Variants in CACNG6 observed in about 807,000 individuals in gnomAD.
The protein encoded by CACNG6 is voltage-dependent calcium channel gamma-6 subunit.
CACNG6 carries 21 observed loss-of-function variants against 23.9 expected under a neutral mutation model. The observed-to-expected ratio is 0.88, with a 90% CI of 0.62 to 1.26. CACNG6 has a LOEUF of 1.26. Ranked by LOEUF, CACNG6 falls within the 50% of genes most tolerant of loss-of-function variation. The probability of loss-of-function intolerance (pLI) is 0.00; values close to 1 mark genes in which losing one functional copy is unlikely to be tolerated. For synonymous variants in CACNG6, 182 were observed against 168.9 expected (o/e 1.08, Z -0.60); for missense variants, 340 against 352.9 (o/e 0.96, Z 0.29).
chr19:53,993,783 G>A (rs1180217081), intron 1 of CACNG6, among the ~76,000 whole-genome samples: 1 of 148,400 alleles, frequency 6.7e-6, no homozygotes, highest in Admixed American at 6.8e-5. Context: ...CCTCAGATCA[G>A]CCTGCACCTC....
At chr19:53,996,765 C>T (rs1269856322) in intron 1 of CACNG6, among the ~76,000 whole-genome samples, 1 of 151,654 alleles carries the variant, frequency 6.6e-6, no homozygotes, top group Non-Finnish European at 1.5e-5. Context: ...GATATACACT[C>T]ACAGATATGT....
chr19:54,004,951 C>A (rs1207020332), intron 3 of CACNG6, among the ~76,000 whole-genome samples: 2 of 151,256 alleles, frequency 1.3e-5, no homozygotes, highest in Non-Finnish European at 2.9e-5. Flanking sequence ...GTGGCTCACG[C>A]CTGTAATCCC....
chr19:53,993,999 C>T, intron 1 of CACNG6, among the ~76,000 whole-genome samples: 1 of 151,998 alleles, frequency 6.6e-6, no homozygotes, highest in East Asian at 1.9e-4. Context: ...CTGTGCCCAC[C>T]CCAGACAGCC....
chr19:54,011,260 C>T (rs1452154693), intron 3 of CACNG6, among the ~76,000 whole-genome samples: 1 of 120,702 alleles, frequency 8.3e-6, no homozygotes, highest in East Asian at 2.6e-4. Flanking sequence ...ATTAGCCAGG[C>T]GTGGTAGCGC....
chr19:53,992,219 T>G lies in CACNG6; in HGVS notation c.-659T>G, dbSNP rs953528702. 1 of 152,242 alleles carries G rather than the reference T, an allele frequency of 6.6e-6. No individual in the cohort carries two copies. The highest frequency in any genetic ancestry group is 6.5e-5 in the Admixed American group (1 of 15,282). The allele number at this position is 152,242 out of a possible 1,614,324, so 9.4% of individuals were successfully genotyped here. A position where few individuals can be genotyped will look rare whatever the true frequency, so the allele number is the denominator to read the frequency against. On this transcript the variant is annotated 5_prime_UTR_variant, in exon 1 of 4. It adds an upstream start codon to the 5' untranslated region. Transcript: ENST00000252729. The surrounding 1 kb of genome is among the most constrained non-coding windows in gnomAD (Gnocchi z 4.1). ...CTACTGCCTCTCTTGAGACCCGGAT[T>G]GAATTCCGACCTCCCCTTGGGAGCT...
upstream of CACNG6, among the ~76,000 whole-genome samples, chr19:53,991,449 C>T (rs932145839): frequency 1.6e-4 from 24 of 152,114 alleles, no homozygotes; most frequent in African/African-American, 5.8e-4. Flanking sequence ...GGCTCGGCCC[C>T]TTCCTCCCCG....
At chr19:53,998,393 CCCT>C in intron 2 of CACNG6, 80 bp downstream of exon 2, 2 of 1,267,578 alleles carry the variant, frequency 1.6e-6, no homozygotes, top group Non-Finnish European at 2.3e-6. Flanking sequence ...GAGAGTTATC[CCCT>C]CCTCTGCTTT....
chr19:54,012,140 C>G lies in CACNG6; in HGVS notation c.734C>G (p.Ser245Cys), dbSNP rs755597457. Reference sequence around the variant, plus strand: ...TGCTTTCTGCTGCTCACACTGCCTTCCTGGCCCTGGGGGTCCCTCTGTCCC... The same window carrying G: ...TGCTTTCTGCTGCTCACACTGCCTTGCTGGCCCTGGGGGTCCCTCTGTCCC... ...AGCFLLLTLP[S>C]WPWGSLCPKR... The change falls in exon 4 of 4, where the codon TCC becomes TGC. Residue 245 changes from serine (S) to cysteine (C), a missense_variant. Physicochemically the swap from Ser to Cys is moderately radical, Grantham distance 112. Coordinates refer to ENST00000252729, the MANE Select transcript of CACNG6 (RefSeq NM_145814.2). 3 of 1,534,424 alleles carry G rather than the reference C, an allele frequency of 2.0e-6. No homozygotes were observed. The Admixed American group carries it at 6.1e-5, about 31-fold the overall frequency.
chr19:53,999,741 C>A lies in CACNG6; in HGVS notation c.514C>A (p.Arg172=). The part of the protein sequence containing the change: ...VLSKGAEFLL[R]VGAVCFGLSG... ...CAGTAAAGGTGCAGAGTTCCTGCTC[C>A]GAGTTGGAGCCGTCTGCTTTGGCCT... is the stretch of plus-strand genomic sequence containing the variant. Residue 172 remains arginine, a synonymous_variant, in exon 3 of 4, where the codon CGA becomes AGA. Coordinates refer to ENST00000252729, the MANE Select transcript of CACNG6 (RefSeq NM_145814.2). The A allele has an allele frequency of 3.1e-6, 5 of 1,614,052 alleles. No homozygotes were observed. The highest frequency in any genetic ancestry group is 4.2e-6 in the Non-Finnish European group (5 of 1,180,032).
At chr19:54,000,389 C>T (rs745744854) in intron 3 of CACNG6, among the ~76,000 whole-genome samples, 4 of 152,184 alleles carry the variant, frequency 2.6e-5, no homozygotes, top group Non-Finnish European at 5.9e-5. Context: ...TTGATGGTCT[C>T]TAAATGCTCT....
chr19:54,007,611 A>G (rs764587074), intron 3 of CACNG6, among the ~76,000 whole-genome samples: 1 of 152,188 alleles, frequency 6.6e-6, no homozygotes, highest in Non-Finnish European at 1.5e-5. Context: ...GAATGCATGA[A>G]TCAGGTCTGC....
rs773485518 is a variant in CACNG6 at position 53,998,272 on chromosome 19, C to T, written c.365C>T (p.Thr122Met). 16 of 1,613,870 alleles carry T rather than the reference C, an allele frequency of 9.9e-6. No homozygotes were observed. The highest frequency in any genetic ancestry group is 8.9e-5 in the East Asian group (4 of 44,880). ...ANCTYFKFFTTGENARIFQRT... is the reference protein window; with the variant it reads ...ANCTYFKFFTMGENARIFQRT... The stretch of plus-strand genomic sequence containing the variant: ...TGCACCTATTTTAAATTCTTCACCA[C>T]GGGGGAGAATGCACGCATCTTTCAG... The change falls in exon 2 of 4, where the codon ACG (threonine) becomes ATG (methionine). Residue 122 changes from threonine (T) to methionine (M), a missense_variant. Transcript: ENST00000252729.
At chr19:53,995,485 T>G (rs967705074) in intron 1 of CACNG6, among the ~76,000 whole-genome samples, 6 of 152,124 alleles carry the variant, frequency 3.9e-5, no homozygotes, top group African/African-American at 1.4e-4. Context: ...GGATGTGTCA[T>G]GTTTGGGGGT....
intron 1 of CACNG6, among the ~76,000 whole-genome samples, chr19:53,996,626 C>T (rs2069523970): frequency 1.3e-5 from 2 of 152,126 alleles, no homozygotes; most frequent in African/African-American, 4.8e-5. Context: ...CTCCTGACCC[C>T]AAGTGATCTG....
chr19:54,011,227 T>TATATACACACAC (rs1442985544), intron 3 of CACNG6, among the ~76,000 whole-genome samples: 1 of 95,328 alleles, frequency 1.0e-5, no homozygotes, highest in African/African-American at 5.8e-5. Flanking sequence ...TATATATATA[T>TATATACACACAC]ACACACACAC....
At position 53,993,070 on chromosome 19, in the gene CACNG6, C is replaced by T; in HGVS notation, c.193C>T (p.Leu65Phe). 6.5e-7 allele frequency: 1 copy of T among 1,537,214 alleles called. No individual in the cohort carries two copies. The highest frequency in any genetic ancestry group is 2.5e-5 in the East Asian group (1 of 39,950). Reference protein sequence around the residue: ...LSVGTEFWVELNTYKANGSAV... With the variant: ...LSVGTEFWVEFNTYKANGSAV... ...CGTGGGCACCGAGTTCTGGGTGGAGCTCAACACCTACAAGGCCAACGGCAG... is the reference window on the plus strand; with the variant it reads ...CGTGGGCACCGAGTTCTGGGTGGAGTTCAACACCTACAAGGCCAACGGCAG... The change falls in exon 1 of 4, where the codon CTC (leucine) becomes TTC (phenylalanine). Residue 65 changes from leucine to phenylalanine, a missense_variant. Physicochemically the swap from Leu to Phe is conservative, Grantham distance 22 (BLOSUM62 0). Transcript: ENST00000252729.
Position 54,011,972 on chromosome 19 carries a change from T to G in CACNG6, c.566T>G (p.Leu189Arg), listed in dbSNP as rs749657710. The G allele has an allele frequency of 1.9e-6, 3 of 1,579,198 alleles. No individual in the cohort carries two copies. The highest frequency in any genetic ancestry group is 2.6e-6 in the Non-Finnish European group (3 of 1,165,006). Residue 189 changes from leucine (L) to arginine (R), a missense_variant, in exon 4 of 4, where the codon CTG (leucine) becomes CGG (arginine). Leu to Arg is a moderately radical substitution (Grantham distance 102). Coordinates refer to ENST00000252729, the MANE Select transcript of CACNG6 (RefSeq NM_145814.2). ...GLSGLLLLVS[L>R]EVFRHSVRAL... is the part of the protein sequence containing the mutation. ...GCAGGCCTGCTGCTCTTGGTGAGCCTGGAGGTGTTCCGGCATTCCGTGAGG... is the reference window on the plus strand; with the variant it reads ...GCAGGCCTGCTGCTCTTGGTGAGCCGGGAGGTGTTCCGGCATTCCGTGAGG...
intron 3 of CACNG6, among the ~76,000 whole-genome samples, chr19:54,011,127 T>G (rs8100520): frequency 0.19 from 27,470 of 144,416 alleles, 2,897 homozygotes; most frequent in East Asian, 0.25. Context: ...CCGAGGTGGG[T>G]GGACCACTTG....
chr19:54,004,765 C>A (rs933348214), intron 3 of CACNG6, among the ~76,000 whole-genome samples: 2 of 152,132 alleles, frequency 1.3e-5, no homozygotes, highest in African/African-American at 4.8e-5. Context: ...CGGCCTGGAG[C>A]GTTCTTCCGC....
Sources: gnomAD v4.1 joint callset for allele counts (sites outside exome capture counted in the v4.1 genomes callset) on GRCh38, gnomAD v4.1.1 for gene constraint, Gnocchi (gnomAD v3.1) non-coding constraint, MANE v1.5 for transcripts, NCBI Gene and HGNC (gene_info 2026-07-23, HGNC 2026-07-21) for gene names.